NCOA1: variants seen among roughly 807,000 people sequenced by gnomAD.
NCOA1 encodes the protein nuclear receptor coactivator 1.
Under a neutral mutation model 150.9 loss-of-function variants are expected in NCOA1, and 35 were observed. The observed-to-expected ratio is 0.23, with a 90% CI of 0.18 to 0.31. The LOEUF is 0.31. Among genes scored for constraint, NCOA1 ranks in the 10% least tolerant of loss-of-function variants. The probability of loss-of-function intolerance (pLI) is 1.00; values close to 1 mark genes in which losing one functional copy is unlikely to be tolerated. For synonymous variants in NCOA1, 590 were observed against 630.0 expected, an observed-to-expected ratio of 0.94 and a Z score of 0.95; for missense variants, 1,491 against 1,749.3, an observed-to-expected ratio of 0.85 and a Z score of 2.63.
chr2:24,511,311 G>A (rs960745568), intron 1 of NCOA1, among the ~76,000 whole-genome samples: 2 of 152,208 alleles, frequency 1.3e-5, no homozygotes, highest in Non-Finnish European at 2.9e-5. Context: ...TATGAATTGC[G>A]GGGTCATATG....
intron 3 of NCOA1, among the ~76,000 whole-genome samples, chr2:24,586,430 A>T (rs1667412769): frequency 6.6e-6 from 1 of 151,888 alleles, no homozygotes; most frequent in Non-Finnish European, 1.5e-5. Context: ...TCTCTTGCTC[A>T]GGCTGGAGTG....
At chr2:24,705,326 GAA>G in intron 12 of NCOA1, 93 bp downstream of exon 12, 1 of 1,333,832 alleles carries the variant, frequency 7.5e-7, no homozygotes, top group Non-Finnish European at 1.0e-6. Context: ...CTAGAAAGCA[GAA>G]ATTCTAAATT....
At chr2:24,494,120 C>T (rs1289985363) in intron 1 of NCOA1, among the ~76,000 whole-genome samples, 1 of 152,122 alleles carries the variant, frequency 6.6e-6, no homozygotes, top group Non-Finnish European at 1.5e-5. Flanking sequence ...AGTGAGCGGT[C>T]TTCACTAGGA....
intron 3 of NCOA1, among the ~76,000 whole-genome samples, chr2:24,636,568 A>G (rs970431028): frequency 4.6e-5 from 7 of 152,106 alleles, no homozygotes; most frequent in African/African-American, 1.4e-4. Context: ...AATAAAGACA[A>G]TTTTAGTTCT....
At chr2:24,667,070 C>T (rs2148508514) in intron 6 of NCOA1, among the ~76,000 whole-genome samples, 1 of 152,232 alleles carries the variant, frequency 6.6e-6, no homozygotes, top group East Asian at 1.9e-4. Flanking sequence ...GCACAAATAA[C>T]AAACAGAAGG....
intron 4 of NCOA1, among the ~76,000 whole-genome samples, chr2:24,646,996 T>C (rs1670505473): frequency 6.6e-6 from 1 of 152,160 alleles, no homozygotes; most frequent in Non-Finnish European, 1.5e-5. Flanking sequence ...ATTGGTTTTA[T>C]ATTATAACGT....
At chr2:24,523,587 CAG>C (rs1258214265) in intron 1 of NCOA1, among the ~76,000 whole-genome samples, 1 of 77,968 alleles carries the variant, frequency 1.3e-5, no homozygotes, top group Admixed American at 2.0e-4. Flanking sequence ...GCCTGGGAGA[CAG>C]AGTGAGACTC....
At chr2:24,574,680 G>A (rs891733288) in intron 2 of NCOA1, among the ~76,000 whole-genome samples, 2 of 151,940 alleles carry the variant, frequency 1.3e-5, no homozygotes, top group Non-Finnish European at 2.9e-5. Context: ...TTCTTTAAGT[G>A]CAAAATCTGC....
intron 6 of NCOA1, among the ~76,000 whole-genome samples, chr2:24,668,802 G>GAA (rs59013840): frequency 6.7e-5 from 10 of 149,034 alleles, no homozygotes; most frequent in South Asian, 2.1e-4. Flanking sequence ...TTTCCATAGG[G>GAA]AAAAAAAAAA....
chr2:24,663,387 G>A (rs1354052050), intron 5 of NCOA1, among the ~76,000 whole-genome samples: 1 of 152,002 alleles, frequency 6.6e-6, no homozygotes, highest in Non-Finnish European at 1.5e-5. Flanking sequence ...GTAATGGCCT[G>A]TTTTCTTCAT....
chr2:24,514,643 AATACG>A (rs1664090366), intron 1 of NCOA1, among the ~76,000 whole-genome samples: 1 of 152,036 alleles, frequency 6.6e-6, no homozygotes, highest in Non-Finnish European at 1.5e-5. Flanking sequence ...TATCTACAAA[AATACG>A]AAAACTAGCC....
At chr2:24,713,698 A>G (rs1673874212) in intron 14 of NCOA1, among the ~76,000 whole-genome samples, 1 of 152,204 alleles carries the variant, frequency 6.6e-6, no homozygotes, top group Non-Finnish European at 1.5e-5. Context: ...CTGAGAAGGA[A>G]GCAAGTCAGG....
At chr2:24,629,335 A>G (rs1669572999) in intron 3 of NCOA1, among the ~76,000 whole-genome samples, 1 of 152,070 alleles carries the variant, frequency 6.6e-6, no homozygotes, top group South Asian at 2.1e-4. Context: ...AGTCATGAAT[A>G]TTTTAGATTT....
chr2:24,552,336 TATATATATATATATATA>T (rs1459260731), intron 1 of NCOA1, among the ~76,000 whole-genome samples: 2 of 16,882 alleles, frequency 1.2e-4, no homozygotes, highest in African/African-American at 3.6e-4. Flanking sequence ...TATATATATA[TATATATATATATATATA>T]TTTTTTTTTT....
At chr2:24,577,709 T>C (rs1667048441) in intron 2 of NCOA1, among the ~76,000 whole-genome samples, 2 of 152,218 alleles carry the variant, frequency 1.3e-5, no homozygotes, top group Non-Finnish European at 2.9e-5. Flanking sequence ...GATAGTACTT[T>C]GTAAAATGCA....
At chr2:24,510,932 A>G (rs1663910996) in intron 1 of NCOA1, among the ~76,000 whole-genome samples, 1 of 152,246 alleles carries the variant, frequency 6.6e-6, no homozygotes. Flanking sequence ...TTGTACAACC[A>G]TCACCATTGT....
intron 17 of NCOA1, among the ~76,000 whole-genome samples, chr2:24,730,110 C>T (rs545199851): frequency 9.8e-5 from 15 of 152,292 alleles, no homozygotes; most frequent in Admixed American, 2.6e-4. Context: ...TCCCAAAGTG[C>T]TGGGATTACA....
intron 1 of NCOA1, among the ~76,000 whole-genome samples, chr2:24,518,295 A>T (rs1430518340): frequency 6.6e-6 from 1 of 152,194 alleles, no homozygotes; most frequent in Non-Finnish European, 1.5e-5. Context: ...TTAGAAATAG[A>T]GATAAGAATT....
intron 19 of NCOA1, among the ~76,000 whole-genome samples, chr2:24,742,992 G>T (rs55797500): frequency 1.3e-5 from 2 of 152,066 alleles, no homozygotes; most frequent in African/African-American, 4.8e-5. Flanking sequence ...TTCTTTTTTA[G>T]TCTTTCTTTG....
Sources: allele counts gnomAD v4.1 joint callset (sites outside exome capture counted in the v4.1 genomes callset), GRCh38; gene constraint gnomAD v4.1.1; transcripts MANE v1.5; gene names NCBI Gene and HGNC (gene_info 2026-07-23, HGNC 2026-07-21).